The following RAB38 variants were observed in gnomAD, a reference collection of about 807,000 sequenced individuals.
RAB38 encodes RAB38, member RAS oncogene family, also known as ras-related protein Rab-38.
RAB38 carries 15 observed loss-of-function variants against 18.4 expected under a neutral mutation model. The ratio of observed to expected loss-of-function variants is 0.82; its 90% CI spans 0.55 to 1.26. The LOEUF (loss-of-function observed/expected upper bound fraction) is 1.26, where lower values mean the gene tolerates loss of function less well. Among genes scored for constraint, RAB38 ranks in the 50% most tolerant of loss-of-function variants. The probability of loss-of-function intolerance (pLI) is 0.00; values close to 1 mark genes in which losing one functional copy is unlikely to be tolerated. For missense variants in RAB38, 294 were observed against 267.4 expected (o/e 1.10, Z -0.69); for synonymous variants, 101 against 104.4 (o/e 0.97, Z 0.20).
chr11:87,810,353 G>A, the RAB38 span, among the ~76,000 whole-genome samples: 2 of 151,986 alleles, frequency 1.3e-5, no homozygotes, highest in Admixed American at 6.6e-5. Flanking sequence ...CCTGAGTAGC[G>A]GGGACTATAG....
At chr11:87,918,539 C>T in the RAB38 span, among the ~76,000 whole-genome samples, 1 of 152,068 alleles carries the variant, frequency 6.6e-6, no homozygotes, top group Admixed American at 6.6e-5. Flanking sequence ...TTTGCCAATA[C>T]TTCTTATCAT....
chr11:87,939,439 G>T, the RAB38 span, among the ~76,000 whole-genome samples: 1 of 150,872 alleles, frequency 6.6e-6, no homozygotes, highest in Non-Finnish European at 1.5e-5. Context: ...TAGAAATAAA[G>T]AAGTTGAAAC....
chr11:88,017,798 C>A, the RAB38 span, among the ~76,000 whole-genome samples: 9 of 150,662 alleles, frequency 6.0e-5, no homozygotes, highest in Non-Finnish European at 1.2e-4. Context: ...CTTTTTCAGA[C>A]TGATATGGTT....
At chr11:88,006,984 T>C in the RAB38 span, among the ~76,000 whole-genome samples, 4 of 151,424 alleles carry the variant, frequency 2.6e-5, no homozygotes, top group Non-Finnish European at 5.9e-5. Flanking sequence ...AAAGGAGAGG[T>C]TTTTGAATCT....
At chr11:87,976,232 T>A in the RAB38 span, among the ~76,000 whole-genome samples, 1 of 146,456 alleles carries the variant, frequency 6.8e-6, no homozygotes, top group East Asian at 2.0e-4. Flanking sequence ...TACCTATATA[T>A]ATATACACCT....
chr11:87,953,789 C>CAATACT, the RAB38 span, among the ~76,000 whole-genome samples: 14 of 151,034 alleles, frequency 9.3e-5, no homozygotes, highest in Admixed American at 8.6e-4. Context: ...TCCCCCTGAA[C>CAATACT]AATACTGTAT....
At chr11:87,905,244 C>A in the RAB38 span, among the ~76,000 whole-genome samples, 2 of 151,314 alleles carry the variant, frequency 1.3e-5, no homozygotes, top group Admixed American at 6.6e-5. Context: ...CTATTGAAAT[C>A]TTGTATCTTT....
chr11:88,154,698 C>T (rs1943104452), intron 1 of RAB38, among the ~76,000 whole-genome samples: 1 of 152,208 alleles, frequency 6.6e-6, no homozygotes, highest in South Asian at 2.1e-4. Context: ...ACCTGTTCAG[C>T]TGGAGCAGTA....
chr11:88,148,554 C>A (rs939635645), intron 2 of RAB38, among the ~76,000 whole-genome samples: 1 of 152,146 alleles, frequency 6.6e-6, no homozygotes, highest in African/African-American at 2.4e-5. Flanking sequence ...CATTCTCTTT[C>A]CAGCAGAAAA....
chr11:87,860,486 A>C, the RAB38 span, among the ~76,000 whole-genome samples: 1 of 152,020 alleles, frequency 6.6e-6, no homozygotes, highest in Non-Finnish European at 1.5e-5. Flanking sequence ...AGAGTGGACA[A>C]TTGAAAGGAT....
chr11:88,051,783 GA>G, the RAB38 span, among the ~76,000 whole-genome samples: 1 of 152,114 alleles, frequency 6.6e-6, no homozygotes, highest in African/African-American at 2.4e-5. Flanking sequence ...CAAAGTATTA[GA>G]ACCATAGGAA....
At chr11:88,028,706 C>T in the RAB38 span, among the ~76,000 whole-genome samples, 1 of 152,142 alleles carries the variant, frequency 6.6e-6, no homozygotes, top group African/African-American at 2.4e-5. Context: ...ATGAACAAAG[C>T]CTCCAAGAAA....
At chr11:88,170,108 T>C (rs540718001) in intron 1 of RAB38, among the ~76,000 whole-genome samples, 2 of 152,236 alleles carry the variant, frequency 1.3e-5, no homozygotes, top group African/African-American at 2.4e-5. Flanking sequence ...AAAACCCAGA[T>C]GACACGACAT....
chr11:87,941,355 G>A, the RAB38 span, among the ~76,000 whole-genome samples: 1 of 150,414 alleles, frequency 6.6e-6, no homozygotes, highest in Non-Finnish European at 1.5e-5. Context: ...TACACTCATC[G>A]CAGTCTGTCT....
chr11:87,947,805 T>C, the RAB38 span, among the ~76,000 whole-genome samples: 3 of 152,242 alleles, frequency 2.0e-5, no homozygotes, highest in African/African-American at 7.2e-5. Flanking sequence ...CTTTGTAGCA[T>C]AGTCTGAAGT....
chr11:88,160,594 T>C (rs1269032620), intron 1 of RAB38, among the ~76,000 whole-genome samples: 1 of 152,108 alleles, frequency 6.6e-6, no homozygotes, highest in Non-Finnish European at 1.5e-5. Flanking sequence ...TGCCCATCAA[T>C]GGTGCACTTG....
At chr11:88,023,422 T>C in the RAB38 span, among the ~76,000 whole-genome samples, 1 of 151,728 alleles carries the variant, frequency 6.6e-6, no homozygotes, top group Non-Finnish European at 1.5e-5. Flanking sequence ...AGTAAATATA[T>C]TCCATGTTAA....
chr11:88,014,737 G>T, the RAB38 span, among the ~76,000 whole-genome samples: 1 of 152,202 alleles, frequency 6.6e-6, no homozygotes, highest in African/African-American at 2.4e-5. Context: ...CCTGCATACT[G>T]ATTGGCTTAA....
At chr11:88,074,469 T>C in the RAB38 span, among the ~76,000 whole-genome samples, 1 of 152,174 alleles carries the variant, frequency 6.6e-6, no homozygotes, top group Admixed American at 6.5e-5. Context: ...TAAAATAAGC[T>C]GTCATCTCTT....
Sources: gnomAD v4.1 joint callset for allele counts (sites outside exome capture counted in the v4.1 genomes callset) on GRCh38, gnomAD v4.1.1 for gene constraint, MANE v1.5 for transcripts, NCBI Gene and HGNC (gene_info 2026-07-23, HGNC 2026-07-21) for gene names.